Variants in RASAL2 observed in about 807,000 individuals in gnomAD.
RASAL2 encodes the protein ras GTPase-activating protein nGAP.
A neutral mutation model predicts 128.9 loss-of-function variants in RASAL2; 58 were observed. The ratio of observed to expected loss-of-function variants is 0.45; its 90% CI spans 0.36 to 0.56. The LOEUF (loss-of-function observed/expected upper bound fraction) is 0.56. Ranked by LOEUF, RASAL2 falls within the 20% of genes least tolerant of loss-of-function variation. The pLI, the probability that RASAL2 is intolerant of heterozygous loss-of-function variation, is 0.00. For synonymous variants in RASAL2, 561 were observed against 580.8 expected (o/e 0.97, Z 0.49); for missense variants, 1,360 against 1,601.6 (o/e 0.85, Z 2.57).
intron 1 of RASAL2, among the ~76,000 whole-genome samples, chr1:178,107,531 T>C (rs150653680): frequency 6.6e-6 from 1 of 152,166 alleles, no homozygotes; most frequent in Non-Finnish European, 1.5e-5. Context: ...TTTAATGATA[T>C]TAAATACATT....
At chr1:178,431,443 C>A (rs994124511) in intron 5 of RASAL2, among the ~76,000 whole-genome samples, 1 of 152,044 alleles carries the variant, frequency 6.6e-6, no homozygotes, top group Non-Finnish European at 1.5e-5. Context: ...TCAGCCACAT[C>A]TCATGTTGAA....
At chr1:178,280,992 G>T (rs1666754164) in intron 1 of RASAL2, among the ~76,000 whole-genome samples, 1 of 152,020 alleles carries the variant, frequency 6.6e-6, no homozygotes, top group Non-Finnish European at 1.5e-5. Context: ...CCCTGGAAAT[G>T]AGAACATGAT....
At chr1:178,234,972 A>T (rs930094096) in intron 1 of RASAL2, among the ~76,000 whole-genome samples, 1 of 152,164 alleles carries the variant, frequency 6.6e-6, no homozygotes, top group African/African-American at 2.4e-5. Context: ...TCCTCCCTAG[A>T]TGTTCCTTTG....
intron 16 of RASAL2, among the ~76,000 whole-genome samples, chr1:178,466,488 A>G (rs899022398): frequency 1.3e-5 from 2 of 152,228 alleles, no homozygotes; most frequent in Non-Finnish European, 2.9e-5. Context: ...CTTTAGGGCC[A>G]GAGGACCTCT....
intron 1 of RASAL2, among the ~76,000 whole-genome samples, chr1:178,134,021 A>G (rs73049390): frequency 0.013 from 2,053 of 152,314 alleles, 46 homozygotes; most frequent in African/African-American, 0.046. Flanking sequence ...TTTTTTATCT[A>G]TTGCTGTATA....
At chr1:178,367,543 T>A (rs1040413107) in intron 3 of RASAL2, among the ~76,000 whole-genome samples, 22 of 152,284 alleles carry the variant, frequency 1.4e-4, no homozygotes, top group African/African-American at 5.1e-4. Context: ...TTCACAACTG[T>A]ATGTGGGGGT....
chr1:178,185,728 T>G (rs902904196), intron 1 of RASAL2, among the ~76,000 whole-genome samples: 1 of 152,088 alleles, frequency 6.6e-6, no homozygotes, highest in African/African-American at 2.4e-5. Context: ...CTTGCACACC[T>G]AGAATCTCAC....
intron 11 of RASAL2, among the ~76,000 whole-genome samples, chr1:178,454,070 G>A (rs1434865259): frequency 6.6e-6 from 1 of 151,730 alleles, no homozygotes; most frequent in Non-Finnish European, 1.5e-5. Context: ...CAAAAGCTTG[G>A]AGAAGAAAAA....
chr1:178,261,263 CAAAT>C (rs143216149), intron 1 of RASAL2, among the ~76,000 whole-genome samples: 9,590 of 152,170 alleles, frequency 0.063, 371 homozygotes, highest in Middle Eastern at 0.092. Context: ...TCATGGAAAA[CAAAT>C]AAATTTGATG....
At chr1:178,452,682 AAC>A in intron 11 of RASAL2, 30 bp downstream of exon 11, 1 of 1,559,512 alleles carries the variant, frequency 6.4e-7, no homozygotes, top group Non-Finnish European at 8.8e-7. Flanking sequence ...CCACTTTAAA[AAC>A]ACAGTTTAAA....
chr1:178,343,818 G>A (rs894474452), intron 3 of RASAL2, among the ~76,000 whole-genome samples: 2 of 151,514 alleles, frequency 1.3e-5, no homozygotes, highest in African/African-American at 4.8e-5. Context: ...ATAAAAAGGT[G>A]CCCACTTTGT....
At chr1:178,113,483 T>A (rs1008696525) in intron 1 of RASAL2, among the ~76,000 whole-genome samples, 1 of 151,508 alleles carries the variant, frequency 6.6e-6, no homozygotes. Context: ...TTTGTGTATG[T>A]GTATGTGTGT....
intron 1 of RASAL2, among the ~76,000 whole-genome samples, chr1:178,197,341 A>C (rs1448768633): frequency 1.3e-5 from 2 of 152,116 alleles, no homozygotes; most frequent in African/African-American, 4.8e-5. Flanking sequence ...CTGTAATCCT[A>C]GCTACTCAGG....
chr1:178,196,326 G>C (rs1300548440), intron 1 of RASAL2, among the ~76,000 whole-genome samples: 1 of 152,110 alleles, frequency 6.6e-6, no homozygotes, highest in Non-Finnish European at 1.5e-5. Context: ...AAGGTACAAA[G>C]TGAGAAGATA....
At chr1:178,460,303 CT>C (rs71567194) in intron 14 of RASAL2, among the ~76,000 whole-genome samples, 1 of 149,674 alleles carries the variant, frequency 6.7e-6, no homozygotes, top group Non-Finnish European at 1.5e-5. Context: ...AATAAAGATT[CT>C]TTTTTTTTTC....
chr1:178,372,507 A>G (rs1671773915), intron 3 of RASAL2, among the ~76,000 whole-genome samples: 1 of 152,200 alleles, frequency 6.6e-6, no homozygotes, highest in Non-Finnish European at 1.5e-5. Flanking sequence ...TGCCACCAAC[A>G]CTAGCTATGA....
chr1:178,167,884 G>T (rs1262800251), intron 1 of RASAL2, among the ~76,000 whole-genome samples: 1 of 152,040 alleles, frequency 6.6e-6, no homozygotes, highest in Non-Finnish European at 1.5e-5. Context: ...AGGATTGACT[G>T]TTGTTGTGTG....
At position 178,279,143 on chromosome 1, in the gene RASAL2, C is replaced by T. The variant is rs1666660983; in HGVS notation, c.203-4421C>T. Among the ~76,000 whole-genome samples the T allele has an allele frequency of 5.3e-5, 8 of 152,164 alleles. No homozygotes were observed. The South Asian group carries it at 1.7e-3, about 31-fold the overall frequency. ...GATTGCATTGAATACTTCAAATAAG[C>T]TTCCCTTTTAGGTTATCTTTCTTCC... On this transcript the variant is annotated intron_variant, in intron 1 of 17. Transcript: ENST00000367649.
chr1:178,341,579 C>T, intron 3 of RASAL2: 15 of 1,613,888 alleles, frequency 9.3e-6, no homozygotes, highest in Non-Finnish European at 1.2e-5. Context: ...TGTTAGCACA[C>T]CCAGAAACTT....
Sources: allele counts gnomAD v4.1 joint callset (sites outside exome capture counted in the v4.1 genomes callset), GRCh38; gene constraint gnomAD v4.1.1; transcripts MANE v1.5; gene names NCBI Gene and HGNC (gene_info 2026-07-23, HGNC 2026-07-21).